Variants in FRMD4A observed in about 807,000 individuals in gnomAD.
FRMD4A encodes FERM domain-containing protein 4A.
FRMD4A carries 29 observed loss-of-function variants against 129.1 expected under a neutral mutation model. The observed-to-expected ratio is 0.22, with a 90% CI of 0.17 to 0.31. The LOEUF is 0.31. FRMD4A is among the 10% of genes least tolerant of loss of function. The pLI, the probability that FRMD4A is intolerant of heterozygous loss-of-function variation, is 1.00. For synonymous variants in FRMD4A, 634 were observed against 571.6 expected (o/e 1.11, Z -1.56); for missense variants, 1,272 against 1,375.8 (o/e 0.92, Z 1.19).
At chr10:13,685,734 G>A (rs891337940) in intron 15 of FRMD4A, 3 of 605,024 alleles carry the variant, frequency 5.0e-6, no homozygotes, top group African/African-American at 4.0e-5. Flanking sequence ...CTTAAGCCCA[G>A]GAGTTTGAGG....
At chr10:14,319,538 A>G (rs916532612) in intron 2 of FRMD4A, among the ~76,000 whole-genome samples, 3 of 152,234 alleles carry the variant, frequency 2.0e-5, no homozygotes, top group Non-Finnish European at 4.4e-5. Flanking sequence ...AAAATCACCA[A>G]GACTTCTTCA....
Position 13,658,609 on chromosome 10 carries a change from G to A in FRMD4A, c.2066+714C>T, listed in dbSNP as rs534787506. Among the ~76,000 whole-genome samples, 404 of 152,282 alleles carry A rather than the reference G, an allele frequency of 2.7e-3. 4 individuals carry two copies. The highest frequency in any genetic ancestry group is 0.01 in the Middle Eastern group (3 of 294). ...AGAAAAAGAAGGTGTGGCTAGGAGC[G>A]GTGGCTCACGTCTCTAATCCCAGCA... is the stretch of plus-strand genomic sequence containing the variant. On this transcript the variant is annotated intron_variant, in intron 21 of 24. Transcript: ENST00000357447.
intron 2 of FRMD4A, among the ~76,000 whole-genome samples, chr10:14,024,778 A>T (rs916185221): frequency 1.3e-5 from 2 of 152,236 alleles, no homozygotes; most frequent in African/African-American, 4.8e-5. Context: ...AGTGAAAGAG[A>T]GAAGTGAGAT....
chr10:14,220,241 T>C (rs1843205105), intron 2 of FRMD4A, among the ~76,000 whole-genome samples: 1 of 152,216 alleles, frequency 6.6e-6, no homozygotes, highest in Non-Finnish European at 1.5e-5. Flanking sequence ...GTGGTCAGTG[T>C]GAGTCACCTC....
At position 13,904,247 on chromosome 10, in the gene FRMD4A, C is replaced by T. The variant is rs530191543; in HGVS notation, c.46-45335G>A. On this transcript the variant is annotated intron_variant, in intron 2 of 24. Coordinates refer to ENST00000357447, the MANE Select transcript of FRMD4A (RefSeq NM_018027.5). ...TCCTGCTGGCGTTTCGCCTCCCAGCCAAGGAGAACGCTCCTACAGGCCCCT... is the reference window on the plus strand; with the variant it reads ...TCCTGCTGGCGTTTCGCCTCCCAGCTAAGGAGAACGCTCCTACAGGCCCCT... 1.9e-4 allele frequency among the ~76,000 whole-genome samples: 5 copies of T among 26,598 alleles called. No individual in the cohort carries two copies. In the South Asian group the frequency reaches 6.3e-3, roughly 34 times the overall value. 17.4% of individuals were successfully genotyped at this position (26,598 alleles called of 152,430 possible).
intron 16 of FRMD4A, 138 bp from the exon 17 acceptor site, chr10:13,670,666 A>T: frequency 1.4e-6 from 1 of 723,844 alleles, no homozygotes; most frequent in Non-Finnish European, 2.3e-6. Flanking sequence ...CTTATGCTAG[A>T]AATGTTCACA....
At chr10:14,315,501 T>C (rs1044640437) in intron 2 of FRMD4A, among the ~76,000 whole-genome samples, 4 of 152,230 alleles carry the variant, frequency 2.6e-5, no homozygotes, top group South Asian at 2.1e-4. Flanking sequence ...AATCATTTCT[T>C]ACCTGTGTTC....
At chr10:13,977,818 T>TGTGTA (rs2095547266) in intron 2 of FRMD4A, among the ~76,000 whole-genome samples, 1 of 152,240 alleles carries the variant, frequency 6.6e-6, no homozygotes, top group African/African-American at 2.4e-5. Flanking sequence ...TTGTAGCATG[T>TGTGTA]GCCAGTACAT....
chr10:14,015,174 T>C, intron 2 of FRMD4A, among the ~76,000 whole-genome samples: 1 of 118,792 alleles, frequency 8.4e-6, no homozygotes, highest in African/African-American at 3.3e-5. Context: ...CCTTTTCTTC[T>C]GTCCCTCCCT....
At chr10:13,873,033 G>A (rs776614589) in intron 2 of FRMD4A, among the ~76,000 whole-genome samples, 10 of 151,734 alleles carry the variant, frequency 6.6e-5, no homozygotes, top group South Asian at 2.1e-4. Context: ...AAAATTAGCC[G>A]GGCATGGTGG....
chr10:14,084,624 C>T (rs1836148451), intron 2 of FRMD4A, among the ~76,000 whole-genome samples: 1 of 152,142 alleles, frequency 6.6e-6, no homozygotes, highest in Non-Finnish European at 1.5e-5. Flanking sequence ...ATATGCAAAC[C>T]AACCGGTTCA....
At chr10:14,045,880 G>A (rs865971891) in intron 2 of FRMD4A, among the ~76,000 whole-genome samples, 5 of 144,668 alleles carry the variant, frequency 3.5e-5, no homozygotes, top group African/African-American at 1.3e-4. Flanking sequence ...ATTATATATG[G>A]TATAATTATG....
intron 6 of FRMD4A, among the ~76,000 whole-genome samples, chr10:13,765,281 A>G (rs2092247923): frequency 6.6e-6 from 1 of 151,426 alleles, no homozygotes; most frequent in African/African-American, 2.4e-5. Flanking sequence ...CGCCTGGCTA[A>G]TTTTTTTGCA....
At chr10:13,978,943 G>A (rs897105889) in intron 2 of FRMD4A, among the ~76,000 whole-genome samples, 2 of 152,104 alleles carry the variant, frequency 1.3e-5, no homozygotes, top group Non-Finnish European at 2.9e-5. Flanking sequence ...GTGATCCTAT[G>A]GCCATAAAAG....
chr10:14,232,328 T>G (rs1275722585), intron 2 of FRMD4A, among the ~76,000 whole-genome samples: 2 of 152,238 alleles, frequency 1.3e-5, no homozygotes, highest in Non-Finnish European at 2.9e-5. Context: ...TTTTGGTAAC[T>G]GTAGCCCTTC....
intron 2 of FRMD4A, among the ~76,000 whole-genome samples, chr10:14,283,393 T>A (rs1180935168): frequency 6.6e-6 from 1 of 152,176 alleles, no homozygotes. Flanking sequence ...AGAAACTACA[T>A]AACAGACCTA....
chr10:14,325,504 T>C (rs1005125655), intron 2 of FRMD4A, among the ~76,000 whole-genome samples: 2 of 152,232 alleles, frequency 1.3e-5, no homozygotes, highest in East Asian at 3.9e-4. Flanking sequence ...ACATCTTGCT[T>C]GAACTTCAAG....
intron 2 of FRMD4A, among the ~76,000 whole-genome samples, chr10:14,084,513 C>T (rs938589550): frequency 3.9e-5 from 6 of 152,194 alleles, no homozygotes; most frequent in Non-Finnish European, 5.9e-5. Context: ...TTATGTGATG[C>T]TTTGACATCT....
At position 13,670,407 on chromosome 10, in the gene FRMD4A, T is replaced by C; in HGVS notation, c.1373A>G (p.Glu458Gly). The change falls in exon 17 of 25, where the codon GAG becomes GGG. Residue 458 changes from glutamate (E) to glycine (G), a missense_variant and splice_region_variant. Physicochemically the swap from Glu to Gly is moderately conservative, Grantham distance 98 (BLOSUM62 -2). Coordinates refer to ENST00000357447, the MANE Select transcript of FRMD4A (RefSeq NM_018027.5). ...LDEQKILPKGEEAELERLERE... is the reference protein window; with the variant it reads ...LDEQKILPKGGEAELERLERE... ...CAACAACAGAAAGGAAGGACGCACC[T>C]CTCCTTTGGGCAGGATTTTCTGTTC... The C allele has an allele frequency of 6.2e-7, 1 of 1,612,888 alleles. No homozygotes were observed. The highest frequency in any genetic ancestry group is 8.5e-7 in the Non-Finnish European group (1 of 1,179,232).
Sources: allele counts gnomAD v4.1 joint callset (sites outside exome capture counted in the v4.1 genomes callset), GRCh38; gene constraint gnomAD v4.1.1; transcripts MANE v1.5; gene names NCBI Gene and HGNC (gene_info 2026-07-23, HGNC 2026-07-21).